Variants in UPB1 observed in about 807,000 individuals in gnomAD.
The protein encoded by UPB1 is beta-ureidopropionase 1.
In UPB1, 40 loss-of-function variants were observed where a neutral mutation model predicts 49.1. The ratio of observed to expected loss-of-function variants is 0.81; its 90% CI spans 0.63 to 1.06. UPB1 has a LOEUF of 1.06. UPB1 is among the 50% of genes least tolerant of loss of function. UPB1 has a pLI of 0.00. For missense variants in UPB1, 499 were observed against 505.9 expected, an observed-to-expected ratio of 0.99 and a Z score of 0.13; for synonymous variants, 207 against 198.2, an observed-to-expected ratio of 1.04 and a Z score of -0.38.
intron 3 of UPB1, chr22:24,503,054 GA>G (rs369724132): frequency 1.9e-4 from 29 of 148,904 alleles, no homozygotes; most frequent in Admixed American, 2.0e-4. Context: ...CCAGCTAATT[GA>G]AAAAAAAAAG....
intron 7 of UPB1, 26 bp from the exon 8 acceptor site, chr22:24,521,960 C>T (rs2044401743): frequency 6.2e-7 from 1 of 1,613,776 alleles, no homozygotes; most frequent in African/African-American, 1.3e-5. Flanking sequence ...CCTATAGGTT[C>T]CTCTTACCTT....
At chr22:24,524,428 G>A (rs1018898080) in intron 9 of UPB1, among the ~76,000 whole-genome samples, 1 of 152,196 alleles carries the variant, frequency 6.6e-6, no homozygotes, top group Non-Finnish European at 1.5e-5. Context: ...CAGCTTCAGA[G>A]TTTGCTGTAT....
At chr22:24,499,028 C>T (rs537603757) in intron 1 of UPB1, among the ~76,000 whole-genome samples, 3 of 152,272 alleles carry the variant, frequency 2.0e-5, no homozygotes, top group South Asian at 2.1e-4. Context: ...AGGAGAGGCA[C>T]GGTGTGGGCA....
intron 4 of UPB1, among the ~76,000 whole-genome samples, chr22:24,512,861 G>A (rs140331): frequency 0.028 from 4,215 of 152,270 alleles, 190 homozygotes; most frequent in South Asian, 0.11. Context: ...GCGTAGAACC[G>A]TGGCATCTAA....
At position 24,515,237 on chromosome 22, in the gene UPB1, G is replaced by C. The variant is rs143521220; in HGVS notation, c.658G>C (p.Val220Leu). ...CATGGAGGGAAACCTGGGCCACCCC[G>C]TGTTCCAGACGCAGTTCGGAAGGAT... ...YYMEGNLGHPVFQTQFGRIAV... is the reference protein window; with the variant it reads ...YYMEGNLGHPLFQTQFGRIAV... The change falls in exon 6 of 10, where the codon GTG becomes CTG. Residue 220 changes from valine to leucine, a missense_variant. Coordinates refer to ENST00000326010, the MANE Select transcript of UPB1 (RefSeq NM_016327.3). 17 of 1,614,138 alleles carry C rather than the reference G, an allele frequency of 1.1e-5. No homozygotes were observed. The highest frequency in any genetic ancestry group is 1.4e-5 in the Non-Finnish European group (16 of 1,180,046).
chr22:24,519,911 G>T (rs1461908730), intron 6 of UPB1: 4 of 263,590 alleles, frequency 1.5e-5, no homozygotes, highest in Non-Finnish European at 3.0e-5. Flanking sequence ...CACCAGGAGA[G>T]GTTCTGCCCA....
At chr22:24,509,943 C>A (rs1383848916) in intron 3 of UPB1, among the ~76,000 whole-genome samples, 1 of 152,150 alleles carries the variant, frequency 6.6e-6, no homozygotes, top group African/African-American at 2.4e-5. Flanking sequence ...AAGAATTTGA[C>A]TACTCTAGGC....
chr22:24,518,557 T>C (rs149103598), intron 6 of UPB1, among the ~76,000 whole-genome samples: 2 of 152,212 alleles, frequency 1.3e-5, no homozygotes, highest in South Asian at 2.1e-4. Flanking sequence ...CCCACCAGCA[T>C]TGGATCACAG....
intron 3 of UPB1, among the ~76,000 whole-genome samples, chr22:24,504,571 T>G (rs1428375870): frequency 6.6e-6 from 1 of 152,156 alleles, no homozygotes; most frequent in Non-Finnish European, 1.5e-5. Flanking sequence ...GTGGGTTCTT[T>G]TAGTCTAGAA....
At chr22:24,520,589 G>T in intron 7 of UPB1, 121 bp downstream of exon 7, 1 of 1,120,094 alleles carries the variant, frequency 8.9e-7, no homozygotes, top group Non-Finnish European at 1.3e-6. Context: ...AAACTGGCTT[G>T]GTCCGTTACT....
At chr22:24,517,768 C>G (rs908718368) in intron 6 of UPB1, among the ~76,000 whole-genome samples, 8 of 152,224 alleles carry the variant, frequency 5.3e-5, no homozygotes, top group Non-Finnish European at 7.3e-5. Context: ...TAAAAACTAA[C>G]AGGTCTTTTG....
intron 2 of UPB1, 92 bp from the exon 3 acceptor site, chr22:24,502,034 G>A: frequency 2.3e-6 from 3 of 1,291,402 alleles, no homozygotes; most frequent in South Asian, 1.2e-5. Context: ...TGCCCAGGTG[G>A]GCATTGATTT....
chr22:24,495,349 G>A lies in UPB1; in HGVS notation c.-55G>A. The stretch of plus-strand genomic sequence containing the variant: ...CCGGGCCTGGGCACCTCCTCCCACT[G>A]CGGGCAAAGGGCAGGCAGTTCGTGC... On this transcript the variant is annotated 5_prime_UTR_variant, in exon 1 of 10. Transcript: ENST00000326010. 2 of 1,596,112 alleles carry A rather than the reference G, an allele frequency of 1.3e-6. No individual in the cohort carries two copies. Among genetic ancestry groups the A allele is most frequent in the South Asian group, 1.1e-5 (1 of 90,820 alleles).
chr22:24,513,981 A>G (rs1436316092), intron 5 of UPB1, among the ~76,000 whole-genome samples: 1 of 152,032 alleles, frequency 6.6e-6, no homozygotes, highest in African/African-American at 2.4e-5. Flanking sequence ...GCATGTCTGT[A>G]TACTGTGCAT....
intron 8 of UPB1, among the ~76,000 whole-genome samples, chr22:24,522,959 AAAAAAAAAT>A (rs956912290): frequency 5.3e-5 from 8 of 151,330 alleles, no homozygotes; most frequent in African/African-American, 1.5e-4. Flanking sequence ...AAAAAAAAAA[AAAAAAAAAT>A]GCCAGAAGGG....
intron 8 of UPB1, among the ~76,000 whole-genome samples, chr22:24,522,943 TAAAAA>T (rs747503249): frequency 3.0e-5 from 2 of 66,378 alleles, no homozygotes; most frequent in African/African-American, 6.0e-5. Flanking sequence ...AAATGCCACC[TAAAAA>T]AAAAAAAAAA....
At chr22:24,519,375 C>T (rs1396363691) in intron 6 of UPB1, among the ~76,000 whole-genome samples, 1 of 152,156 alleles carries the variant, frequency 6.6e-6, no homozygotes, top group Non-Finnish European at 1.5e-5. Context: ...GTGGGCATTA[C>T]TCCTGTCAAT....
At chr22:24,517,331 T>C (rs1259015506) in intron 6 of UPB1, among the ~76,000 whole-genome samples, 1 of 152,198 alleles carries the variant, frequency 6.6e-6, no homozygotes, top group Non-Finnish European at 1.5e-5. Context: ...ATAGCATTCA[T>C]TGGTGGTTGT....
chr22:24,502,884 T>C (rs1350156480), intron 3 of UPB1: 1 of 212,790 alleles, frequency 4.7e-6, no homozygotes, highest in African/African-American at 2.3e-5. Context: ...GCCCATTTTG[T>C]CAACTTTGAT....
Sources: allele counts gnomAD v4.1 joint callset (sites outside exome capture counted in the v4.1 genomes callset), GRCh38; gene constraint gnomAD v4.1.1; transcripts MANE v1.5; gene names NCBI Gene and HGNC (gene_info 2026-07-23, HGNC 2026-07-21).